Variants in FARSB observed in about 807,000 individuals in gnomAD.
FARSB encodes phenylalanine--tRNA ligase beta subunit.
In FARSB, 40 loss-of-function variants were observed where a neutral mutation model predicts 69.6. The observed-to-expected ratio is 0.57, with a 90% CI of 0.45 to 0.75. FARSB has a LOEUF of 0.75. Ranked by LOEUF, FARSB falls within the 30% of genes least tolerant of loss-of-function variation. The pLI is 0.00. For synonymous variants in FARSB, 235 were observed against 247.2 expected (o/e 0.95, Z 0.46); for missense variants, 632 against 722.9 (o/e 0.87, Z 1.44).
At chr2:222,630,203 A>T (rs758541288) in intron 8 of FARSB, 29 bp from the exon 9 acceptor site, 2 of 1,119,936 alleles carry the variant, frequency 1.8e-6, no homozygotes, top group Non-Finnish European at 2.6e-6. Context: ...CAAATATAGT[A>T]ATCTATAAAT....
Position 222,623,666 on chromosome 2 carries a change from G to T in FARSB, c.1235C>A (p.Ala412Glu). The change falls in exon 13 of 17, where the codon GCA (alanine) becomes GAA (glutamate). Residue 412 changes from alanine (A) to glutamate (E), a missense_variant. Physicochemically the swap from Ala to Glu is moderately radical, Grantham distance 107. Transcript: ENST00000281828. Reference sequence around the variant, plus strand: ...AAGACATACCAGGGCAAAGGTAAGTGCTTCAGTGAAGCCAGCGGCTGCCAT... The same window carrying T: ...AAGACATACCAGGGCAAAGGTAAGTTCTTCAGTGAAGCCAGCGGCTGCCAT... The part of the protein sequence containing the change: ...HDMAAAGFTE[A>E]LTFALCSQED... 6.2e-7 allele frequency: 1 copy of T among 1,602,712 alleles called. No individual in the cohort carries two copies. Among genetic ancestry groups the T allele is most frequent in the Non-Finnish European group, 8.5e-7 (1 of 1,169,638 alleles).
chr2:222,578,060 A>G (rs1281184962), intron 16 of FARSB, among the ~76,000 whole-genome samples: 4 of 152,248 alleles, frequency 2.6e-5, no homozygotes, highest in Non-Finnish European at 5.9e-5. Context: ...TAGGTTAAAA[A>G]GTACCCTCAC....
At chr2:222,640,827 T>A in intron 4 of FARSB, 35 bp downstream of exon 4, 1 of 1,183,374 alleles carries the variant, frequency 8.5e-7, no homozygotes, top group Non-Finnish European at 1.2e-6. Flanking sequence ...CAAAAGAAAA[T>A]TTTTAAAAGA....
intron 13 of FARSB, among the ~76,000 whole-genome samples, chr2:222,622,245 T>C (rs1161093375): frequency 6.6e-6 from 1 of 152,168 alleles, no homozygotes; most frequent in Non-Finnish European, 1.5e-5. Flanking sequence ...CGAAGACACA[T>C]GAGGCTCTAA....
intron 10 of FARSB, among the ~76,000 whole-genome samples, chr2:222,625,043 C>T (rs764785691): frequency 2.0e-5 from 3 of 152,196 alleles, no homozygotes; most frequent in Non-Finnish European, 2.9e-5. Flanking sequence ...TTCAGATAGT[C>T]ATTCCCCATT....
At position 222,616,545 on chromosome 2, in the gene FARSB, C is replaced by CAAAA. The variant is rs11447332; in HGVS notation, c.1345-2621_1345-2618dup. 4.1e-3 allele frequency among the ~76,000 whole-genome samples: 304 copies of CAAAA among 73,708 alleles called. 7 individuals are homozygous for CAAAA. The highest frequency in any genetic ancestry group is 0.018 in the Middle Eastern group (2 of 110). 48.4% of individuals were successfully genotyped at this position (73,708 alleles called of 152,430 possible). A position where few individuals can be genotyped will look rare whatever the true frequency, so the allele number is the denominator to read the frequency against. The stretch of plus-strand genomic sequence containing the variant: ...CTGGCAACAGAGTGAGACTCCATCT[C>CAAAA]AAAAAAAAAAAAAAAAAAAAAATGA... On this transcript the variant is annotated intron_variant, in intron 14 of 16. Transcript: ENST00000281828.
intron 2 of FARSB, among the ~76,000 whole-genome samples, chr2:222,647,223 T>C (rs1377329441): frequency 6.6e-6 from 1 of 152,222 alleles, no homozygotes; most frequent in African/African-American, 2.4e-5. Context: ...ACAGAAGTTA[T>C]GCCCACAGCT....
intron 1 of FARSB, among the ~76,000 whole-genome samples, chr2:222,654,561 G>A (rs1692121263): frequency 6.6e-6 from 1 of 152,094 alleles, no homozygotes; most frequent in Non-Finnish European, 1.5e-5. Context: ...GTTTAGAAGG[G>A]CAGGTAAGAA....
At chr2:222,572,411 G>T (rs1157536945) in intron 16 of FARSB, among the ~76,000 whole-genome samples, 3 of 152,262 alleles carry the variant, frequency 2.0e-5, no homozygotes, top group Admixed American at 6.5e-5. Context: ...TTAATGGGAA[G>T]AACCTGTTTT....
chr2:222,639,756 T>A lies in FARSB; in HGVS notation c.340-61A>T, dbSNP rs201525698. ...TAAGGCTTTTCTTTGTAATATCTTG[T>A]AATAGGAAGGTAGCTGCATTCTTGC... On this transcript the variant is annotated intron_variant, in intron 4 of 16. Coordinates refer to ENST00000281828, the MANE Select transcript of FARSB (RefSeq NM_005687.5). The A allele has an allele frequency of 4.3e-4, 297 of 682,920 alleles. 2 individuals carry two copies. Among genetic ancestry groups the A allele is most frequent in the Non-Finnish European group, 6.4e-4 (269 of 420,180 alleles). The allele number at this position is 682,920 out of a possible 1,614,324, so 42.3% of individuals were successfully genotyped here. A position where few individuals can be genotyped will look rare whatever the true frequency, so the allele number is the denominator to read the frequency against.
chr2:222,612,743 G>C lies in FARSB; in HGVS notation c.1462+1068C>G, dbSNP rs568569591. Reference sequence around the variant, plus strand: ...TCACCAAGGGACCAATGCACATACAGCTTCGAACAGTCAGATTTGTATCAG... The same window carrying C: ...TCACCAAGGGACCAATGCACATACACCTTCGAACAGTCAGATTTGTATCAG... On this transcript the variant is annotated intron_variant, in intron 15 of 16. Coordinates refer to ENST00000281828, the MANE Select transcript of FARSB (RefSeq NM_005687.5). Among the ~76,000 whole-genome samples the C allele has an allele frequency of 2.0e-5, 3 of 152,316 alleles. No homozygotes were observed. The East Asian group carries it at 5.8e-4, about 29-fold the overall frequency.
At chr2:222,622,693 A>T (rs1428462863) in intron 13 of FARSB, among the ~76,000 whole-genome samples, 1 of 152,174 alleles carries the variant, frequency 6.6e-6, no homozygotes, top group Non-Finnish European at 1.5e-5. Flanking sequence ...CTAGGAGGCT[A>T]AAGGTCAGGA....
chr2:222,622,787 C>T (rs768622812), intron 13 of FARSB, among the ~76,000 whole-genome samples: 2 of 152,178 alleles, frequency 1.3e-5, no homozygotes, highest in African/African-American at 2.4e-5. Flanking sequence ...AAATGTGCTA[C>T]GTACTTATCC....
chr2:222,598,918 G>A (rs528006558), intron 16 of FARSB, among the ~76,000 whole-genome samples: 122 of 148,758 alleles, frequency 8.2e-4, no homozygotes, highest in African/African-American at 2.9e-3. Context: ...ACAACTTCCT[G>A]CTTATTTAAT....
intron 16 of FARSB, among the ~76,000 whole-genome samples, chr2:222,576,519 T>A (rs73993703): frequency 0.042 from 6,353 of 152,190 alleles, 206 homozygotes; most frequent in African/African-American, 0.084. Flanking sequence ...AATACAAAAT[T>A]ATATAGATAT....
intron 10 of FARSB, among the ~76,000 whole-genome samples, chr2:222,628,355 A>G (rs546241774): frequency 9.8e-5 from 15 of 152,360 alleles, no homozygotes; most frequent in African/African-American, 3.6e-4. Flanking sequence ...GGATATGCCA[A>G]CTACCATGAT....
intron 2 of FARSB, chr2:222,644,676 G>A (rs558187784): frequency 2.0e-5 from 6 of 293,404 alleles, no homozygotes; most frequent in South Asian, 1.5e-4. Context: ...CCCAGTGGAT[G>A]CCTGAAACAT....
chr2:222,580,125 T>A (rs1689930202), intron 16 of FARSB, among the ~76,000 whole-genome samples: 1 of 151,658 alleles, frequency 6.6e-6, no homozygotes, highest in African/African-American at 2.4e-5. Flanking sequence ...ATGAATATTA[T>A]ACATAATAAA....
At chr2:222,638,688 C>A (rs376245546) in intron 5 of FARSB, among the ~76,000 whole-genome samples, 1 of 152,304 alleles carries the variant, frequency 6.6e-6, no homozygotes, top group East Asian at 1.9e-4. Context: ...CCATCCCATA[C>A]ACATAAACCC....
Sources: gnomAD v4.1 joint callset for allele counts (sites outside exome capture counted in the v4.1 genomes callset) on GRCh38, gnomAD v4.1.1 for gene constraint, MANE v1.5 for transcripts, NCBI Gene and HGNC (gene_info 2026-07-23, HGNC 2026-07-21) for gene names.